Variants in CNTNAP5 observed in about 807,000 individuals in gnomAD.
CNTNAP5 encodes the protein contactin associated protein family member 5.
Under a neutral mutation model 150.2 loss-of-function variants are expected in CNTNAP5, and 72 were observed. The observed-to-expected ratio is 0.48, with a 90% confidence interval of 0.40 to 0.58. The LOEUF is 0.58. Among genes scored for constraint, CNTNAP5 ranks in the 20% least tolerant of loss-of-function variants. The pLI is 0.00. For synonymous variants in CNTNAP5, 672 were observed against 619.8 expected (o/e 1.08, Z -1.25); for missense variants, 1,636 against 1,626.2 (o/e 1.01, Z -0.10).
chr2:124,861,758 T>C (rs1193880582), intron 19 of CNTNAP5, among the ~76,000 whole-genome samples: 1 of 152,176 alleles, frequency 6.6e-6, no homozygotes. Flanking sequence ...TTTTTATACA[T>C]ATTTATTCCA....
intron 1 of CNTNAP5, among the ~76,000 whole-genome samples, chr2:124,171,277 A>G (rs2104664410): frequency 6.6e-6 from 1 of 152,240 alleles, no homozygotes; most frequent in South Asian, 2.1e-4. Flanking sequence ...CAGAGAAAGG[A>G]GCTGAAGTAT....
At chr2:124,142,059 G>C (rs899898286) in intron 1 of CNTNAP5, among the ~76,000 whole-genome samples, 23 of 147,730 alleles carry the variant, frequency 1.6e-4, no homozygotes, top group Non-Finnish European at 2.4e-4. Flanking sequence ...TTACATAATG[G>C]TAAAGGGATC....
intron 11 of CNTNAP5, among the ~76,000 whole-genome samples, chr2:124,591,601 AT>A (rs1201574973): frequency 3.9e-5 from 6 of 152,222 alleles, no homozygotes; most frequent in Admixed American, 3.3e-4. Context: ...TATTACACCG[AT>A]ATGTCACCAT....
At chr2:124,493,583 G>T (rs369147100) in intron 7 of CNTNAP5, among the ~76,000 whole-genome samples, 5 of 151,974 alleles carry the variant, frequency 3.3e-5, no homozygotes, top group African/African-American at 1.2e-4. Context: ...CTCGTGATCC[G>T]CCTGCCTCTG....
chr2:124,610,589 A>AGAAAT, intron 12 of CNTNAP5, among the ~76,000 whole-genome samples: 1 of 152,324 alleles, frequency 6.6e-6, no homozygotes, highest in East Asian at 1.9e-4. Context: ...ACATGGGCTT[A>AGAAAT]GAAATGACAT....
At chr2:124,814,013 A>T (rs1356418082) in intron 19 of CNTNAP5, among the ~76,000 whole-genome samples, 3 of 151,852 alleles carry the variant, frequency 2.0e-5, no homozygotes, top group Non-Finnish European at 4.4e-5. Context: ...AAAAATTCAA[A>T]TATATTCATG....
intron 19 of CNTNAP5, among the ~76,000 whole-genome samples, chr2:124,829,250 C>T (rs1042922169): frequency 6.6e-6 from 1 of 152,100 alleles, no homozygotes; most frequent in Non-Finnish European, 1.5e-5. Context: ...AGGGCTTCTT[C>T]CCTTTGCCAT....
At chr2:124,584,853 G>A (rs1215359999) in intron 11 of CNTNAP5, among the ~76,000 whole-genome samples, 1 of 152,156 alleles carries the variant, frequency 6.6e-6, no homozygotes, top group African/African-American at 2.4e-5. Context: ...TGTTTTATGA[G>A]TTTTTTGTTT....
chr2:124,780,528 C>G (rs73955810), intron 17 of CNTNAP5, among the ~76,000 whole-genome samples: 4,750 of 152,264 alleles, frequency 0.031, 244 homozygotes, highest in African/African-American at 0.11. Flanking sequence ...TGGCCATCGA[C>G]TTTAAAGATA....
At chr2:124,616,028 C>T (rs1162233680) in intron 12 of CNTNAP5, among the ~76,000 whole-genome samples, 3 of 152,024 alleles carry the variant, frequency 2.0e-5, no homozygotes, top group Non-Finnish European at 4.4e-5. Context: ...AAATGTGGTC[C>T]CATCCAGGCT....
rs544905230 is a variant in CNTNAP5 at position 124,858,581 on chromosome 2, C to T, written c.3218-6725C>T. On this transcript the variant is annotated intron_variant, in intron 19 of 23. Coordinates refer to ENST00000682447, the MANE Select transcript of CNTNAP5 (RefSeq NM_001367498.1). ...AACAAATAGAAGAATATTCCATTCT[C>T]ATGGATAGGAAGAATCAATATCGTG... Among the ~76,000 whole-genome samples the T allele has an allele frequency of 3.3e-4, 50 of 152,218 alleles. No homozygotes were observed. In the South Asian group the frequency reaches 1.0e-2, roughly 30 times the overall value.
intron 12 of CNTNAP5, among the ~76,000 whole-genome samples, chr2:124,639,002 A>G (rs188550120): frequency 5.9e-5 from 9 of 152,304 alleles, no homozygotes; most frequent in African/African-American, 2.2e-4. Context: ...AATTTCAAGT[A>G]TGTATCTAAA....
intron 1 of CNTNAP5, among the ~76,000 whole-genome samples, chr2:124,047,347 T>G (rs1679860881): frequency 6.6e-6 from 1 of 152,264 alleles, no homozygotes; most frequent in Admixed American, 6.5e-5. Flanking sequence ...ATCCTTATTT[T>G]ACAGAGGAGA....
chr2:124,449,809 A>G (rs996262000), intron 6 of CNTNAP5, among the ~76,000 whole-genome samples: 2 of 152,256 alleles, frequency 1.3e-5, no homozygotes, highest in East Asian at 3.9e-4. Flanking sequence ...GCGGCGTTTG[A>G]CATTAGCTGT....
intron 16 of CNTNAP5, among the ~76,000 whole-genome samples, chr2:124,768,050 G>T (rs1681103281): frequency 1.3e-5 from 2 of 152,180 alleles, no homozygotes; most frequent in Admixed American, 6.5e-5. Flanking sequence ...ACCAGAGAGT[G>T]GGCTAGCTTC....
chr2:124,742,377 C>G (rs72847328), intron 13 of CNTNAP5, among the ~76,000 whole-genome samples: 3,368 of 151,084 alleles, frequency 0.022, 58 homozygotes, highest in Middle Eastern at 0.038. Flanking sequence ...TAAACTGTGC[C>G]TCTCAGTTTG....
chr2:124,669,726 C>T (rs1457906874), intron 13 of CNTNAP5, among the ~76,000 whole-genome samples: 5 of 152,160 alleles, frequency 3.3e-5, no homozygotes, highest in East Asian at 1.9e-4. Flanking sequence ...GTCATTCTTC[C>T]GGACACTCAG....
At chr2:124,439,255 A>G (rs996986232) in intron 5 of CNTNAP5, among the ~76,000 whole-genome samples, 15 of 152,124 alleles carry the variant, frequency 9.9e-5, no homozygotes, top group African/African-American at 3.4e-4. Flanking sequence ...TTTTTCATAA[A>G]TTCTGTCATT....
chr2:124,902,534 GATA>G (rs1192827792), intron 21 of CNTNAP5, among the ~76,000 whole-genome samples: 1 of 152,162 alleles, frequency 6.6e-6, no homozygotes, highest in Non-Finnish European at 1.5e-5. Flanking sequence ...TGATGATGCA[GATA>G]ATGATACAAA....
Sources: gnomAD v4.1 joint callset for allele counts (sites outside exome capture counted in the v4.1 genomes callset) on GRCh38, gnomAD v4.1.1 for gene constraint, MANE v1.5 for transcripts, NCBI Gene and HGNC (gene_info 2026-07-23, HGNC 2026-07-21) for gene names.